Variants in NELL2 observed in about 807,000 individuals in gnomAD.
The protein encoded by NELL2 is neural EGFL like 2, also known as protein kinase C-binding protein NELL2.
A neutral mutation model predicts 109.6 loss-of-function variants in NELL2; 41 were observed. The observed-to-expected ratio is 0.37, with a 90% CI of 0.29 to 0.49. The LOEUF (loss-of-function observed/expected upper bound fraction) is 0.49. NELL2 is among the 20% of genes least tolerant of loss of function. The pLI is 0.98. For missense variants in NELL2, 900 were observed against 1,008.3 expected, an observed-to-expected ratio of 0.89 and a Z score of 1.45; for synonymous variants, 355 against 344.7, an observed-to-expected ratio of 1.03 and a Z score of -0.33.
intron 3 of NELL2, among the ~76,000 whole-genome samples, chr12:44,807,880 G>C (rs1160337982): frequency 6.6e-6 from 1 of 152,032 alleles, no homozygotes; most frequent in Admixed American, 6.6e-5. Flanking sequence ...CTTAATGACA[G>C]TTGCTTACAC....
At chr12:44,587,284 A>AAAAAAAAAAATATATAT in intron 15 of NELL2, among the ~76,000 whole-genome samples, 7 of 72,204 alleles carry the variant, frequency 9.7e-5, no homozygotes, top group African/African-American at 2.5e-4. Context: ...AAAAAAAAAA[A>AAAAAAAAAAATATATAT]ATATATATAT....
intron 2 of NELL2, among the ~76,000 whole-genome samples, chr12:44,855,137 C>A (rs1157917389): frequency 6.6e-6 from 1 of 152,072 alleles, no homozygotes; most frequent in Admixed American, 6.5e-5. Flanking sequence ...TATATCACTC[C>A]TCAATTTGTA....
chr12:44,521,843 G>C (rs952871112), intron 18 of NELL2, 157 bp downstream of exon 18: 1 of 652,746 alleles, frequency 1.5e-6, no homozygotes, highest in Non-Finnish European at 2.6e-6. Flanking sequence ...GGTTGTGATC[G>C]TGTAACTATC....
chr12:44,863,211 T>A (rs896809844), intron 2 of NELL2, among the ~76,000 whole-genome samples: 7 of 152,262 alleles, frequency 4.6e-5, no homozygotes, highest in Middle Eastern at 3.4e-3. Context: ...TTTCTGTTCC[T>A]GTGTTAGTTT....
chr12:44,650,402 T>C (rs1487988442), intron 13 of NELL2, among the ~76,000 whole-genome samples: 2 of 151,786 alleles, frequency 1.3e-5, no homozygotes, highest in Non-Finnish European at 1.5e-5. Context: ...TAAGCAATTC[T>C]CTCCTGCCTC....
chr12:44,732,905 C>T lies in NELL2; in HGVS notation c.995-18164G>A, dbSNP rs138829278. On this transcript the variant is annotated intron_variant, in intron 9 of 19. Coordinates refer to ENST00000429094, the MANE Select transcript of NELL2 (RefSeq NM_001145108.2). ...GGGCAAAGGATTTGAATAGGCATTT[C>T]TCCAAAAAAGATATATAAATGGCCA... Among the ~76,000 whole-genome samples the T allele has an allele frequency of 7.4e-3, 1,130 of 151,980 alleles. 9 individuals carry two copies. Among genetic ancestry groups the T allele is most frequent in the African/African-American group, 0.021 (886 of 41,482 alleles).
At chr12:44,660,800 T>C (rs914515475) in intron 13 of NELL2, among the ~76,000 whole-genome samples, 3 of 106,962 alleles carry the variant, frequency 2.8e-5, no homozygotes, top group African/African-American at 1.1e-4. Context: ...CTGAAATGAG[T>C]GTCTCTTCAC....
At chr12:44,596,140 T>C (rs907879408) in intron 15 of NELL2, among the ~76,000 whole-genome samples, 16 of 152,322 alleles carry the variant, frequency 1.1e-4, no homozygotes, top group African/African-American at 3.8e-4. Context: ...CAGTCAGAGG[T>C]ATTAAGCCCC....
chr12:44,687,681 A>G (rs1375198129), intron 12 of NELL2, among the ~76,000 whole-genome samples: 1 of 152,234 alleles, frequency 6.6e-6, no homozygotes, highest in Non-Finnish European at 1.5e-5. Flanking sequence ...ACTTTCAACA[A>G]ATATAACCAG....
At chr12:44,917,826 CTAA>C (rs1945839844), upstream of NELL2, among the ~76,000 whole-genome samples, 1 of 152,174 alleles carries the variant, frequency 6.6e-6, no homozygotes, top group Admixed American at 6.5e-5. Flanking sequence ...TGGCAAGTAA[CTAA>C]ATGGCCTCTA....
At chr12:44,845,381 C>T (rs1314928113) in intron 2 of NELL2, among the ~76,000 whole-genome samples, 1 of 152,138 alleles carries the variant, frequency 6.6e-6, no homozygotes, top group Non-Finnish European at 1.5e-5. Context: ...CTGTTCAACA[C>T]AGTACAGTAT....
chr12:44,531,785 T>C (rs1366356326), intron 16 of NELL2, among the ~76,000 whole-genome samples: 1 of 152,232 alleles, frequency 6.6e-6, no homozygotes, highest in East Asian at 1.9e-4. Flanking sequence ...AAGTTGTAAA[T>C]GCAAATGGAG....
intron 9 of NELL2, among the ~76,000 whole-genome samples, chr12:44,748,967 A>C (rs377196798): frequency 6.6e-6 from 1 of 152,148 alleles, no homozygotes; most frequent in Non-Finnish European, 1.5e-5. Context: ...CAGACTATAA[A>C]AGGCAAAATG....
intron 9 of NELL2, among the ~76,000 whole-genome samples, chr12:44,742,700 C>T (rs1236076514): frequency 6.6e-6 from 1 of 151,990 alleles, no homozygotes; most frequent in African/African-American, 2.4e-5. Context: ...GAAAGGGTAT[C>T]AGTGATGGAA....
At chr12:44,581,367 A>T (rs1944314801) in intron 15 of NELL2, among the ~76,000 whole-genome samples, 1 of 152,212 alleles carries the variant, frequency 6.6e-6, no homozygotes, top group African/African-American at 2.4e-5. Context: ...GAATAAACTA[A>T]TGAAGGGTTA....
upstream of NELL2, among the ~76,000 whole-genome samples, chr12:44,918,233 A>G (rs2136898557): frequency 6.6e-6 from 1 of 152,272 alleles, no homozygotes; most frequent in East Asian, 1.9e-4. Flanking sequence ...TTTTTACCCT[A>G]AAGTACAGAT....
At chr12:44,830,988 T>C (rs1221235098) in intron 2 of NELL2, among the ~76,000 whole-genome samples, 3 of 151,990 alleles carry the variant, frequency 2.0e-5, no homozygotes, top group Non-Finnish European at 2.9e-5. Flanking sequence ...CTTTAATCTG[T>C]GGGGGGACTG....
intron 15 of NELL2, among the ~76,000 whole-genome samples, chr12:44,581,402 T>C (rs947969007): frequency 6.6e-6 from 1 of 152,204 alleles, no homozygotes; most frequent in Admixed American, 6.5e-5. Flanking sequence ...ACTGAGAAGT[T>C]ATCTGTTAAA....
At chr12:44,709,845 C>T (rs1472348974) in intron 11 of NELL2, among the ~76,000 whole-genome samples, 3 of 152,180 alleles carry the variant, frequency 2.0e-5, no homozygotes, top group Non-Finnish European at 4.4e-5. Context: ...AAGCTGCAAA[C>T]TGGAGGACTG....
Sources: gnomAD v4.1 joint callset for allele counts (sites outside exome capture counted in the v4.1 genomes callset) on GRCh38, gnomAD v4.1.1 for gene constraint, MANE v1.5 for transcripts, NCBI Gene and HGNC (gene_info 2026-07-23, HGNC 2026-07-21) for gene names.